The following IGSF22 variants were observed in gnomAD, a reference collection of about 807,000 sequenced individuals.
IGSF22 encodes the protein immunoglobulin superfamily, member 22.
IGSF22 carries 119 observed loss-of-function variants against 127.0 expected under a neutral mutation model. The observed-to-expected ratio is 0.94, with a 90% confidence interval of 0.81 to 1.09. The LOEUF (loss-of-function observed/expected upper bound fraction) is 1.09, where lower values mean the gene tolerates loss of function less well. Ranked by LOEUF, IGSF22 falls within the 50% of genes least tolerant of loss-of-function variation. The pLI, the probability that IGSF22 is intolerant of heterozygous loss-of-function variation, is 0.00. For missense variants in IGSF22, 1,518 were observed against 1,716.6 expected (o/e 0.88, Z 2.04); for synonymous variants, 568 against 664.7 (o/e 0.85, Z 2.24).
rs751310454 is a variant in IGSF22, at chr11:18,708,289, G to A, written c.3005C>T (p.Pro1002Leu). 1.9e-6 allele frequency: 3 copies of A among 1,545,486 alleles called. No homozygotes were observed. Among genetic ancestry groups the A allele is most frequent in the Admixed American group, 2.0e-5 (1 of 50,120 alleles). ...CAGCCGGGCACTGAGGTCAAACTTG[G>A]GTGCAGCTGAGATGGAGGAGACAGA... The part of the protein sequence containing the change: ...GVRAMPPPAA[P>L]KFDLSARLKS... The change falls in exon 19 of 23, where the codon CCC (proline) becomes CTC (leucine). Residue 1002 changes from proline (P) to leucine (L), a missense_variant. Around this residue, in one of 3 missense-constraint regions of IGSF22, gnomAD observed 1,456 missense variants for 1,644.9 expected, o/e 0.89. Coordinates refer to ENST00000513874, the MANE Select transcript of IGSF22 (RefSeq NM_173588.4).
At chr11:18,706,220 G>C in intron 21 of IGSF22, 74 bp from the exon 22 acceptor site, 1 of 1,367,914 alleles carries the variant, frequency 7.3e-7, no homozygotes, top group Non-Finnish European at 9.8e-7. Flanking sequence ...TTACAGTTCA[G>C]CTTACACGGA....
chr11:18,712,029 G>T (rs1397130626), intron 15 of IGSF22, 53 bp downstream of exon 15: 2 of 1,448,050 alleles, frequency 1.4e-6, no homozygotes, highest in Non-Finnish European at 1.9e-6. Context: ...CTGGCTTAAG[G>T]TCTCCATGCT....
Position 18,704,337 on chromosome 11 carries a change from A to G in IGSF22, c.*131T>C, listed in dbSNP as rs1478789711. 5.9e-6 allele frequency: 4 copies of G among 677,252 alleles called. No homozygotes were observed. In the African/African-American group the frequency reaches 7.2e-5, roughly 12 times the overall value. 42.0% of individuals were successfully genotyped at this position (677,252 alleles called of 1,614,324 possible). A position where few individuals can be genotyped will look rare whatever the true frequency, so the allele number is the denominator to read the frequency against. On this transcript the variant is annotated 3_prime_UTR_variant, in exon 23 of 23. Coordinates refer to ENST00000513874, the MANE Select transcript of IGSF22 (RefSeq NM_173588.4). ...AAGGATGAGTTACGTTTATTGCCCC[A>G]TCCCTTCACTGAATGTTTACATTAA...
chr11:18,722,124 C>T (rs1848585895), intron 2 of IGSF22, 83 bp from the exon 3 acceptor site: 1 of 1,532,360 alleles, frequency 6.5e-7, no homozygotes, highest in Non-Finnish European at 8.9e-7. Context: ...CTTGAGAGGA[C>T]GGTGGAGCAT....
intron 8 of IGSF22, 141 bp downstream of exon 8, chr11:18,718,474 C>A: frequency 1.4e-6 from 1 of 692,232 alleles, no homozygotes; most frequent in Non-Finnish European, 2.7e-6. Flanking sequence ...AAGAGTAGAG[C>A]CCAATTCCAG....
intron 15 of IGSF22, 81 bp from the exon 16 acceptor site, chr11:18,710,909 C>T: frequency 8.0e-7 from 1 of 1,245,748 alleles, no homozygotes; most frequent in East Asian, 2.4e-5. Flanking sequence ...TTCTGCCTCG[C>T]CTGCTTAAAT....
chr11:18,710,894 C>T (rs1848343556), intron 15 of IGSF22, 66 bp from the exon 16 acceptor site: 2 of 1,395,932 alleles, frequency 1.4e-6, no homozygotes, highest in South Asian at 2.5e-5. Flanking sequence ...CCACCTCATG[C>T]TGACTTCTGC....
At chr11:18,720,974 C>T (rs1848560702) in intron 4 of IGSF22, among the ~76,000 whole-genome samples, 1 of 152,182 alleles carries the variant, frequency 6.6e-6, no homozygotes, top group Non-Finnish European at 1.5e-5. Flanking sequence ...GCCTAGATCT[C>T]CCCGTGATCC....
rs373444653 is a variant in IGSF22, at chr11:18,707,979, G to T, written c.3105C>A (p.Asp1035Glu). Residue 1035 changes from aspartate (D) to glutamate (E), a missense_variant, in exon 20 of 23, where the codon GAC becomes GAA. Physicochemically the swap from Asp to Glu is conservative, Grantham distance 45 (BLOSUM62 2). Transcript: ENST00000513874. Reference protein sequence around the residue: ...HAAFSGSPPPDVIWQKDGVPT... With the variant: ...HAAFSGSPPPEVIWQKDGVPT... ...GAACGCCATCTTTCTGCCAGATCAC[G>T]TCAGGTGGTGGTGAGCCCTGAGTAG... 65 of 1,614,098 alleles carry T rather than the reference G, an allele frequency of 4.0e-5. No homozygotes were observed. The highest frequency in any genetic ancestry group is 5.5e-5 in the Non-Finnish European group (65 of 1,179,966).
In IGSF22 at chr11:18,720,790, C is replaced by T. The variant is rs533550943; in HGVS notation, c.379-505G>A. ...ATGAATGAGCTTGTGTAAGAGGTGG[C>T]CATCAGGGGGACTGGGGCAGCTCGT... is the stretch of plus-strand genomic sequence containing the variant. On this transcript the variant is annotated intron_variant, in intron 4 of 22. Coordinates refer to ENST00000513874, the MANE Select transcript of IGSF22 (RefSeq NM_173588.4). Among the ~76,000 whole-genome samples, 34 of 152,226 alleles carry T rather than the reference C, an allele frequency of 2.2e-4. 1 individual carries two copies. In the South Asian group the frequency reaches 6.6e-3, roughly 30 times the overall value.
intron 11 of IGSF22, among the ~76,000 whole-genome samples, chr11:18,714,844 T>C (rs1848431105): frequency 6.6e-6 from 1 of 151,682 alleles, no homozygotes; most frequent in African/African-American, 2.4e-5. Flanking sequence ...TGGGGAAAGG[T>C]CAGTGGCTTG....
At chr11:18,707,760 G>C in intron 20 of IGSF22, 44 bp downstream of exon 20, 1 of 1,497,162 alleles carries the variant, frequency 6.7e-7, no homozygotes, top group Admixed American at 2.0e-5. Context: ...GCTTTGGAGA[G>C]TGTACAGGGA....
chr11:18,704,526 T>G lies in IGSF22; in HGVS notation c.3923A>C (p.Lys1308Thr), dbSNP rs374537214. 1.2e-4 allele frequency: 184 copies of G among 1,549,164 alleles called. No individual in the cohort carries two copies. The highest frequency in any genetic ancestry group is 1.5e-4 in the Non-Finnish European group (177 of 1,145,376). ...CTLTVYDKDD[K>T]SVVASITESL... is the part of the protein sequence containing the mutation. ...CTCGGTGATGGATGCTACAACTGAC[T>G]TATCATCTTTGTCTGAAAGAGCAAA... Residue 1308 changes from lysine (K) to threonine (T), a missense_variant, in exon 23 of 23, where the codon AAG (lysine) becomes ACG (threonine). Lys to Thr is a moderately conservative substitution (Grantham distance 78). Transcript: ENST00000513874.
In IGSF22 at chr11:18,715,636, T is replaced by A. The variant is rs376010767; in HGVS notation, c.1327A>T (p.Thr443Ser). 1 of 1,614,030 alleles carries A rather than the reference T, an allele frequency of 6.2e-7. No individual in the cohort carries two copies. Among genetic ancestry groups the A allele is most frequent in the Non-Finnish European group, 8.5e-7 (1 of 1,180,002 alleles). ...RSRACLECEL[T>S]SKDVTLRWKK... is the part of the protein sequence containing the mutation. ...CAGCGCAGTGTCACATCCTTGGATG[T>A]CAGCTCACACTCCAGGCATGCGCGA... Residue 443 changes from threonine (T) to serine (S), a missense_variant, in exon 11 of 23, where the codon ACA (threonine) becomes TCA (serine). Thr to Ser is a moderately conservative substitution (Grantham distance 58, BLOSUM62 1). Transcript: ENST00000513874.
At position 18,706,758 on chromosome 11, in the gene IGSF22, A is replaced by G. The variant is rs940632731; in HGVS notation, c.3580+156T>C. The stretch of plus-strand genomic sequence containing the variant: ...ACCCCTAAGTACCCCGAAGAAAGCC[A>G]ATATTTCCTTCTCTCCGCAGCGTCC... On this transcript the variant is annotated intron_variant, in intron 21 of 22. Coordinates refer to ENST00000513874, the MANE Select transcript of IGSF22 (RefSeq NM_173588.4). 5 of 630,432 alleles carry G rather than the reference A, an allele frequency of 7.9e-6. No homozygotes were observed. The Admixed American group carries it at 1.8e-4, about 23-fold the overall frequency. The allele number at this position is 630,432 out of a possible 1,614,324, so 39.1% of individuals were successfully genotyped here. A position where few individuals can be genotyped will look rare whatever the true frequency, so the allele number is the denominator to read the frequency against.
chr11:18,718,917 A>T (rs944097667), intron 7 of IGSF22, among the ~76,000 whole-genome samples, 189 bp from the exon 8 acceptor site: 3 of 152,200 alleles, frequency 2.0e-5, no homozygotes, highest in Admixed American at 2.0e-4. Flanking sequence ...GGGGATGAGT[A>T]AAAAACCATC....
In IGSF22 at chr11:18,719,326, T is replaced by C. The variant is rs553403812; in HGVS notation, c.696+390A>G. 3.7e-4 allele frequency among the ~76,000 whole-genome samples: 53 copies of C among 143,952 alleles called. No individual in the cohort carries two copies. The South Asian group carries it at 0.012, about 33-fold the overall frequency. 94.4% of individuals were successfully genotyped at this position (143,952 alleles called of 152,430 possible). On this transcript the variant is annotated intron_variant, in intron 7 of 22. Coordinates refer to ENST00000513874, the MANE Select transcript of IGSF22 (RefSeq NM_173588.4). ...CACCCAGCGGTTTTTTTTTGTTTTT[T>C]TTTGTTTTTTTTGTATTTTTAGTAG...
intron 22 of IGSF22, among the ~76,000 whole-genome samples, chr11:18,705,188 A>G (rs1848199948): frequency 1.3e-5 from 2 of 152,206 alleles, no homozygotes; most frequent in Admixed American, 6.5e-5. Flanking sequence ...GGATTTTACC[A>G]TGAGAGGAAA....
At position 18,707,158 on chromosome 11, in the gene IGSF22, CACTGTGTTGGGG is replaced by C; in HGVS notation, c.3324_3335del (p.Pro1109_Val1112del). ...CTGGGCTGTGGTTCCAGGTCAGAGT[CACTGTGTTGGGG>C]ACTTCCTCAAACAACCGTAGGTTTG... On this transcript the variant is annotated inframe_deletion, in exon 21 of 23. Coordinates refer to ENST00000513874, the MANE Select transcript of IGSF22 (RefSeq NM_173588.4). 1 of 1,551,034 alleles carries C rather than the reference CACTGTGTTGGGG, an allele frequency of 6.4e-7. No individual in the cohort carries two copies. Among genetic ancestry groups the C allele is most frequent in the Non-Finnish European group, 8.7e-7 (1 of 1,146,628 alleles).
Sources: allele counts gnomAD v4.1 joint callset (sites outside exome capture counted in the v4.1 genomes callset), GRCh38; gene constraint gnomAD v4.1.1; regional missense constraint gnomAD v4.1.1; transcripts MANE v1.5; gene names NCBI Gene and HGNC (gene_info 2026-07-23, HGNC 2026-07-21).